The following GDAP2 variants were observed in gnomAD, a reference collection of about 807,000 sequenced individuals.
GDAP2 encodes ganglioside-induced differentiation-associated protein 2.
In GDAP2, 51 loss-of-function variants were observed where a neutral mutation model predicts 67.0. The observed-to-expected ratio is 0.76, with a 90% CI of 0.61 to 0.96. GDAP2 has a LOEUF of 0.96. Among genes scored for constraint, GDAP2 ranks in the 40% least tolerant of loss-of-function variants. GDAP2 has a pLI of 0.00. For missense variants in GDAP2, 547 were observed against 588.3 expected (o/e 0.93, Z 0.73); for synonymous variants, 203 against 207.3 (o/e 0.98, Z 0.18).
At chr1:117,880,520 C>T (rs1239052157) in intron 12 of GDAP2, among the ~76,000 whole-genome samples, 2 of 151,898 alleles carry the variant, frequency 1.3e-5, no homozygotes, top group East Asian at 1.9e-4. Flanking sequence ...CAATTTTGGT[C>T]GTAAAGTGGA....
intron 8 of GDAP2, among the ~76,000 whole-genome samples, chr1:117,889,631 A>G (rs1648996804): frequency 6.6e-6 from 1 of 152,150 alleles, no homozygotes; most frequent in Non-Finnish European, 1.5e-5. Context: ...TATGAAGGTT[A>G]AAAGACAAAA....
chr1:117,898,708 G>A (rs1649344779), intron 7 of GDAP2, among the ~76,000 whole-genome samples: 1 of 152,116 alleles, frequency 6.6e-6, no homozygotes, highest in Non-Finnish European at 1.5e-5. Flanking sequence ...TTAATGTTAA[G>A]TATGATTTTT....
At chr1:117,883,397 C>A in intron 11 of GDAP2, 91 bp downstream of exon 11, 1 of 912,040 alleles carries the variant, frequency 1.1e-6, no homozygotes, top group Non-Finnish European at 1.7e-6. Context: ...ATGAAATATC[C>A]TTTCACAGAA....
chr1:117,874,543 C>T (rs1648391520), intron 13 of GDAP2, among the ~76,000 whole-genome samples: 1 of 152,104 alleles, frequency 6.6e-6, no homozygotes, highest in South Asian at 2.1e-4. Flanking sequence ...TCAGGTATTC[C>T]TTTATGGCCA....
At chr1:117,911,739 T>C (rs1466332798) in intron 5 of GDAP2, among the ~76,000 whole-genome samples, 1 of 151,104 alleles carries the variant, frequency 6.6e-6, no homozygotes, top group Non-Finnish European at 1.5e-5. Context: ...TCTTTGGCTG[T>C]AACTATTTAA....
In GDAP2 at chr1:117,867,534, A is replaced by G. The variant is rs1415398366; in HGVS notation, c.*3035T>C. 1.4e-5 allele frequency: 2 copies of G among 139,634 alleles called. No homozygotes were observed. The highest frequency in any genetic ancestry group is 7.0e-5 in the Admixed American group (1 of 14,222). 8.6% of individuals were successfully genotyped at this position (139,634 alleles called of 1,614,324 possible). A position where few individuals can be genotyped will look rare whatever the true frequency, so the allele number is the denominator to read the frequency against. ...TGAAACCCTGTCTCTACTGAAAAAA[A>G]AAAAAAAAAAAAAAAAAATTAGCCA... On this transcript the variant is annotated 3_prime_UTR_variant, in exon 14 of 14. Transcript: ENST00000369443.
At position 117,883,547 on chromosome 1, in the gene GDAP2, G is replaced by T. The variant is rs772484565; in HGVS notation, c.1188C>A (p.Ser396Arg). 1 of 1,608,578 alleles carries T rather than the reference G, an allele frequency of 6.2e-7. No individual in the cohort carries two copies. Among genetic ancestry groups the T allele is most frequent in the Non-Finnish European group, 8.5e-7 (1 of 1,175,294 alleles). ...AGTCGGAGTCCAGGTGATTGTATTC[G>T]CTGGTCAGGGTGTGAAAATACACTA... Reference protein sequence around the residue: ...YVLVYFHTLTSEYNHLDSDFL... With the variant: ...YVLVYFHTLTREYNHLDSDFL... The change falls in exon 11 of 14, where the codon AGC (serine) becomes AGA (arginine). Residue 396 changes from serine to arginine, a missense_variant. By Grantham distance (110) the Ser-to-Arg change is moderately radical. Coordinates refer to ENST00000369443, the MANE Select transcript of GDAP2 (RefSeq NM_017686.4).
chr1:117,877,295 T>G, intron 13 of GDAP2: 4 of 960,314 alleles, frequency 4.2e-6, no homozygotes, highest in Non-Finnish European at 5.0e-6. Context: ...ATTTCAAACT[T>G]AATATAACTT....
chr1:117,903,631 G>T (rs996834553), intron 6 of GDAP2, among the ~76,000 whole-genome samples: 1 of 152,090 alleles, frequency 6.6e-6, no homozygotes, highest in Non-Finnish European at 1.5e-5. Flanking sequence ...GTCCTACTTT[G>T]GGGTAGTATA....
intron 12 of GDAP2, among the ~76,000 whole-genome samples, chr1:117,879,047 G>C (rs1188252162): frequency 3.3e-5 from 5 of 152,154 alleles, no homozygotes; most frequent in African/African-American, 9.7e-5. Flanking sequence ...TCGTTCACAA[G>C]GCATGCCTGA....
Position 117,920,378 on chromosome 1 carries a change from T to C in GDAP2, c.-21A>G, listed in dbSNP as rs755975060. 1 of 1,549,588 alleles carries C rather than the reference T, an allele frequency of 6.5e-7. No individual in the cohort carries two copies. Among genetic ancestry groups the C allele is most frequent in the South Asian group, 1.2e-5 (1 of 83,090 alleles). ...TCCATGGAATGGGAACTTTGATTTG[T>C]CTTTTCCCAAAATCCTCAGCAATTC... On this transcript the variant is annotated 5_prime_UTR_variant, in exon 2 of 14. Coordinates refer to ENST00000369443, the MANE Select transcript of GDAP2 (RefSeq NM_017686.4).
intron 8 of GDAP2, among the ~76,000 whole-genome samples, chr1:117,895,669 CTG>C (rs1228890447): frequency 6.6e-6 from 1 of 152,176 alleles, no homozygotes; most frequent in Non-Finnish European, 1.5e-5. Context: ...TATCATTTGA[CTG>C]TGACTGCCTC....
At chr1:117,912,412 C>G in intron 4 of GDAP2, 118 bp downstream of exon 4, 1 of 836,362 alleles carries the variant, frequency 1.2e-6, no homozygotes, top group Non-Finnish European at 1.8e-6. Context: ...CTAAGTCCCT[C>G]AAAATTTGAC....
At chr1:117,921,773 C>A (rs900047744) in intron 1 of GDAP2, among the ~76,000 whole-genome samples, 1 of 151,964 alleles carries the variant, frequency 6.6e-6, no homozygotes, top group Non-Finnish European at 1.5e-5. Flanking sequence ...ACTGTAGCTA[C>A]AATGAAACTG....
chr1:117,899,777 G>T, intron 6 of GDAP2, among the ~76,000 whole-genome samples: 2 of 151,822 alleles, frequency 1.3e-5, no homozygotes, highest in African/African-American at 2.4e-5. Context: ...ATACATTAAA[G>T]GCATGTAGTG....
chr1:117,870,406 T>A lies in GDAP2; in HGVS notation c.*163A>T, dbSNP rs112021108. On this transcript the variant is annotated 3_prime_UTR_variant, in exon 14 of 14. Coordinates refer to ENST00000369443, the MANE Select transcript of GDAP2 (RefSeq NM_017686.4). Reference sequence around the variant, plus strand: ...TTCAGAATGGCCTACCATTTTTAGATTGCTTATGTGCCAGAAAATATACAG... The same window carrying A: ...TTCAGAATGGCCTACCATTTTTAGAATGCTTATGTGCCAGAAAATATACAG... 3.1e-4 allele frequency: 188 copies of A among 610,912 alleles called. 1 individual carries two copies. In the African/African-American group the frequency reaches 3.2e-3, roughly 10 times the overall value. The allele number at this position is 610,912 out of a possible 1,614,324, so 37.8% of individuals were successfully genotyped here.
intron 5 of GDAP2, among the ~76,000 whole-genome samples, chr1:117,907,238 T>C (rs1649687865): frequency 6.6e-6 from 1 of 152,230 alleles, no homozygotes; most frequent in Non-Finnish European, 1.5e-5. Context: ...TGTCCTCATC[T>C]TTTAAAAATG....
chr1:117,883,376 G>T (rs1339420129), intron 11 of GDAP2, 112 bp downstream of exon 11: 3 of 753,758 alleles, frequency 4.0e-6, no homozygotes, highest in Non-Finnish European at 6.5e-6. Context: ...TATGATAAAA[G>T]TCTTTGTTAC....
rs1648207093 is a variant in GDAP2, at chr1:117,870,214, G to T, written c.*355C>A. On this transcript the variant is annotated 3_prime_UTR_variant, in exon 14 of 14. Transcript: ENST00000369443. ...TCACTTAAGTACACAAAGGAAGCGT[G>T]CAATGTTAGAGAGATGATGTGAACA... 1 of 262,554 alleles carries T rather than the reference G, an allele frequency of 3.8e-6. No homozygotes were observed. Among genetic ancestry groups the T allele is most frequent in the African/African-American group, 2.3e-5 (1 of 43,602 alleles). 16.3% of individuals were successfully genotyped at this position (262,554 alleles called of 1,614,324 possible). A position where few individuals can be genotyped will look rare whatever the true frequency, so the allele number is the denominator to read the frequency against.
Sources: allele counts gnomAD v4.1 joint callset (sites outside exome capture counted in the v4.1 genomes callset), GRCh38; gene constraint gnomAD v4.1.1; transcripts MANE v1.5; gene names NCBI Gene and HGNC (gene_info 2026-07-23, HGNC 2026-07-21).